FMN2: variants seen among roughly 807,000 people sequenced by gnomAD.
FMN2 encodes formin-2.
Under a neutral mutation model 142.3 loss-of-function variants are expected in FMN2, and 51 were observed. That is an observed-to-expected ratio of 0.36 (90% CI 0.29 to 0.45). The LOEUF is 0.45. Ranked by LOEUF, FMN2 falls within the 20% of genes least tolerant of loss-of-function variation. The pLI is 1.00. For synonymous variants in FMN2, 882 were observed against 869.8 expected (o/e 1.01, Z -0.25); for missense variants, 1,936 against 2,122.8 (o/e 0.91, Z 1.73).
chr1:240,467,239 T>A (rs1017280839), intron 16 of FMN2, among the ~76,000 whole-genome samples: 11 of 151,624 alleles, frequency 7.3e-5, no homozygotes, highest in Non-Finnish European at 1.5e-4. Flanking sequence ...AAGTGTCCAA[T>A]GATGAACATG....
At chr1:240,428,379 C>A (rs1675031031) in intron 15 of FMN2, among the ~76,000 whole-genome samples, 1 of 151,872 alleles carries the variant, frequency 6.6e-6, no homozygotes, top group Non-Finnish European at 1.5e-5. Context: ...AGGTGCACAC[C>A]ACCACACCTG....
At chr1:240,468,362 C>T (rs746415036) in intron 16 of FMN2, among the ~76,000 whole-genome samples, 5 of 136,332 alleles carry the variant, frequency 3.7e-5, no homozygotes, top group African/African-American at 5.9e-5. Context: ...CTTCATGAAT[C>T]ATGCACAGAG....
intron 15 of FMN2, among the ~76,000 whole-genome samples, chr1:240,433,330 T>G (rs371443418): frequency 2.6e-5 from 4 of 152,354 alleles, no homozygotes; most frequent in African/African-American, 9.6e-5. Context: ...TTGCTTATTT[T>G]TATTTGGAAT....
At chr1:240,172,068 T>C (rs892448841) in intron 2 of FMN2, among the ~76,000 whole-genome samples, 1 of 152,202 alleles carries the variant, frequency 6.6e-6, no homozygotes, top group Non-Finnish European at 1.5e-5. Context: ...TCCTTAATAC[T>C]CACAGTATGT....
At chr1:240,146,664 T>A (rs986142044) in intron 2 of FMN2, among the ~76,000 whole-genome samples, 1 of 152,068 alleles carries the variant, frequency 6.6e-6, no homozygotes, top group African/African-American at 2.4e-5. Flanking sequence ...AGACTTTGTC[T>A]CAATAAATAA....
chr1:240,464,061 A>G (rs1010176684), intron 16 of FMN2, among the ~76,000 whole-genome samples: 1 of 152,190 alleles, frequency 6.6e-6, no homozygotes, highest in African/African-American at 2.4e-5. Context: ...AATTGTTAGC[A>G]TGGTGAAGAG....
intron 2 of FMN2, among the ~76,000 whole-genome samples, chr1:240,124,987 T>C (rs1662441992): frequency 6.6e-6 from 1 of 152,202 alleles, no homozygotes; most frequent in Non-Finnish European, 1.5e-5. Flanking sequence ...TCATATGGGT[T>C]AGTTACTTTG....
At chr1:240,301,758 A>G (rs1326369773) in intron 8 of FMN2, among the ~76,000 whole-genome samples, 1 of 151,840 alleles carries the variant, frequency 6.6e-6, no homozygotes, top group Non-Finnish European at 1.5e-5. Flanking sequence ...TAATACATAA[A>G]TTGTCATTTT....
At position 240,170,152 on chromosome 1, in the gene FMN2, C is replaced by T. The variant is rs374895634; in HGVS notation, c.1783-7769C>T. The T allele has an allele frequency of 5.5e-5, 44 of 806,252 alleles. 1 individual carries two copies. Among genetic ancestry groups the T allele is most frequent in the African/African-American group, 3.3e-4 (19 of 58,438 alleles). 49.9% of individuals were successfully genotyped at this position (806,252 alleles called of 1,614,324 possible). ...TTAATATACAGTCCATCCCTGGCGC[C>T]GACCAGAACCCGTGGACATGGTGAA... On this transcript the variant is annotated intron_variant, in intron 2 of 17. Transcript: ENST00000319653.
At position 240,092,283 on chromosome 1, in the gene FMN2, C is replaced by G. The variant is rs1345530820; in HGVS notation, c.174C>G (p.Gly58=). ...HGKGGGGGGG[G]GESGKKKSKS... Reference sequence around the variant, plus strand: ...AGGGGGGAGGGGGCGGCGGCGGCGGCGGGGAGTCGGGCAAGAAGAAGAGCA... The same window carrying G: ...AGGGGGGAGGGGGCGGCGGCGGCGGGGGGGAGTCGGGCAAGAAGAAGAGCA... The change falls in exon 1 of 18, where the codon GGC becomes GGG. Residue 58 remains glycine (G), a synonymous_variant. Coordinates refer to ENST00000319653, the MANE Select transcript of FMN2 (RefSeq NM_020066.5). 2.3e-6 allele frequency: 3 copies of G among 1,316,848 alleles called. No homozygotes were observed. The highest frequency in any genetic ancestry group is 2.1e-6 in the Non-Finnish European group (2 of 959,076). The allele number at this position is 1,316,848 out of a possible 1,614,324, so 81.6% of individuals were successfully genotyped here.
chr1:240,451,012 C>T (rs963775212), intron 16 of FMN2, among the ~76,000 whole-genome samples: 4 of 152,104 alleles, frequency 2.6e-5, no homozygotes, highest in Non-Finnish European at 5.9e-5. Flanking sequence ...CAGCCCTATC[C>T]CTTGGAGTTA....
chr1:240,370,049 TGTC>T, intron 14 of FMN2, among the ~76,000 whole-genome samples: 1 of 152,168 alleles, frequency 6.6e-6, no homozygotes, highest in Non-Finnish European at 1.5e-5. Context: ...TCTGTGGTTA[TGTC>T]GGACGATTTG....
intron 6 of FMN2, among the ~76,000 whole-genome samples, chr1:240,249,211 C>T (rs1668193030): frequency 6.6e-6 from 1 of 152,000 alleles, no homozygotes; most frequent in East Asian, 1.9e-4. Context: ...CTGTTTACTT[C>T]TAGTAGATTT....
At chr1:240,116,218 G>A (rs760005262) in intron 1 of FMN2, among the ~76,000 whole-genome samples, 29 of 152,278 alleles carry the variant, frequency 1.9e-4, no homozygotes, top group East Asian at 3.9e-4. Context: ...GTGGAGCTCC[G>A]CTCTGTCTTC....
intron 14 of FMN2, among the ~76,000 whole-genome samples, chr1:240,386,534 C>A (rs1673411780): frequency 6.6e-6 from 1 of 152,168 alleles, no homozygotes; most frequent in African/African-American, 2.4e-5. Context: ...CGTGTCTTTG[C>A]TTACTCATAG....
At chr1:240,461,771 C>T (rs1471268844) in intron 16 of FMN2, among the ~76,000 whole-genome samples, 1 of 152,118 alleles carries the variant, frequency 6.6e-6, no homozygotes, top group Non-Finnish European at 1.5e-5. Flanking sequence ...CTCTCTGAGC[C>T]CCAGCCTGCT....
At chr1:240,120,187 G>A (rs970272029) in intron 1 of FMN2, among the ~76,000 whole-genome samples, 1 of 152,162 alleles carries the variant, frequency 6.6e-6, no homozygotes, top group Non-Finnish European at 1.5e-5. Flanking sequence ...ATACAAAGAG[G>A]CATAACAACT....
intron 16 of FMN2, among the ~76,000 whole-genome samples, chr1:240,456,925 A>C (rs936099293): frequency 1.5e-4 from 23 of 152,310 alleles, no homozygotes; most frequent in African/African-American, 5.5e-4. Flanking sequence ...TCTGATATTT[A>C]AGGTTCGCTA....
At chr1:240,157,544 C>CT (rs1194589567) in intron 2 of FMN2, among the ~76,000 whole-genome samples, 1 of 151,170 alleles carries the variant, frequency 6.6e-6, no homozygotes, top group Non-Finnish European at 1.5e-5. Context: ...ATAATAACTT[C>CT]TTTTTTAATT....
Sources: allele counts gnomAD v4.1 joint callset (sites outside exome capture counted in the v4.1 genomes callset), GRCh38; gene constraint gnomAD v4.1.1; transcripts MANE v1.5; gene names NCBI Gene and HGNC (gene_info 2026-07-23, HGNC 2026-07-21).